The following USP25 variants were observed in gnomAD, a reference collection of about 807,000 sequenced individuals.
USP25 encodes the protein ubiquitin carboxyl-terminal hydrolase 25.
A neutral mutation model predicts 158.5 loss-of-function variants in USP25; 85 were observed. That is an observed-to-expected ratio of 0.54 (90% CI 0.45 to 0.64). The LOEUF (loss-of-function observed/expected upper bound fraction) is 0.64, where lower values mean the gene tolerates loss of function less well. Among genes scored for constraint, USP25 ranks in the 30% least tolerant of loss-of-function variants. The pLI is 0.00. For synonymous variants in USP25, 464 were observed against 460.4 expected (o/e 1.01, Z -0.10); for missense variants, 1,242 against 1,327.3 (o/e 0.94, Z 1.00).
chr21:15,841,053 A>G (rs1012218229), intron 17 of USP25, among the ~76,000 whole-genome samples: 1 of 152,220 alleles, frequency 6.6e-6, no homozygotes, highest in African/African-American at 2.4e-5. Context: ...AAATCAGGAA[A>G]TGATTTAATG....
intron 8 of USP25, 56 bp from the exon 9 acceptor site, chr21:15,811,081 C>A (rs575122139): frequency 6.9e-7 from 1 of 1,441,366 alleles, no homozygotes; most frequent in African/African-American, 1.4e-5. Flanking sequence ...TTAATATTTT[C>A]TCTATTTATA....
chr21:15,732,352 A>G (rs1054207175), intron 1 of USP25, among the ~76,000 whole-genome samples: 2 of 152,248 alleles, frequency 1.3e-5, no homozygotes, highest in Non-Finnish European at 2.9e-5. Context: ...GTATTAATAC[A>G]CGATTACTTT....
At chr21:15,861,745 T>G (rs987415328) in intron 20 of USP25, among the ~76,000 whole-genome samples, 10 of 152,066 alleles carry the variant, frequency 6.6e-5, no homozygotes, top group Admixed American at 4.6e-4. Context: ...TTCTAGAAAT[T>G]TAGAAGGTAA....
At chr21:15,855,684 C>G (rs1411485561) in intron 20 of USP25, among the ~76,000 whole-genome samples, 1 of 152,184 alleles carries the variant, frequency 6.6e-6, no homozygotes, top group African/African-American at 2.4e-5. Context: ...AGTTACACAT[C>G]CTGCCTTTAG....
At chr21:15,735,909 A>C (rs1264293208) in intron 1 of USP25, among the ~76,000 whole-genome samples, 1 of 151,654 alleles carries the variant, frequency 6.6e-6, no homozygotes, top group Non-Finnish European at 1.5e-5. Flanking sequence ...GTTCTAGAAA[A>C]TTCTAAATTT....
At chr21:15,737,146 T>C (rs989816874) in intron 1 of USP25, among the ~76,000 whole-genome samples, 1 of 152,168 alleles carries the variant, frequency 6.6e-6, no homozygotes, top group Non-Finnish European at 1.5e-5. Context: ...CTTATCTTTC[T>C]TCCTGGCTTC....
chr21:15,762,181 C>G (rs1273092158), intron 1 of USP25, among the ~76,000 whole-genome samples: 1 of 151,994 alleles, frequency 6.6e-6, no homozygotes, highest in Non-Finnish European at 1.5e-5. Context: ...CTTTTCCTAT[C>G]ATATCCATTG....
intron 22 of USP25, among the ~76,000 whole-genome samples, chr21:15,868,640 C>T (rs1422403871): frequency 6.6e-6 from 1 of 152,186 alleles, no homozygotes; most frequent in Non-Finnish European, 1.5e-5. Flanking sequence ...TGCAGACCAG[C>T]TTACCACCTG....
intron 10 of USP25, among the ~76,000 whole-genome samples, chr21:15,821,478 A>C (rs1223139275): frequency 2.0e-5 from 3 of 151,962 alleles, no homozygotes; most frequent in Non-Finnish European, 4.4e-5. Flanking sequence ...ATGTGTTGGC[A>C]CTGCCAAATT....
chr21:15,814,302 A>G (rs1040616621), intron 9 of USP25, among the ~76,000 whole-genome samples: 2 of 151,708 alleles, frequency 1.3e-5, no homozygotes, highest in African/African-American at 4.8e-5. Flanking sequence ...AGCCTTGCCT[A>G]TGTCTTTATT....
chr21:15,825,957 A>G (rs987053418), intron 12 of USP25, among the ~76,000 whole-genome samples: 1 of 152,156 alleles, frequency 6.6e-6, no homozygotes, highest in East Asian at 1.9e-4. Context: ...AATTTAGAAC[A>G]GCATTTACAG....
chr21:15,754,518 T>C (rs1476632376), intron 1 of USP25, among the ~76,000 whole-genome samples: 2 of 152,218 alleles, frequency 1.3e-5, no homozygotes, highest in Non-Finnish European at 2.9e-5. Context: ...GGATTTACCT[T>C]GTGATTAACC....
intron 20 of USP25, among the ~76,000 whole-genome samples, chr21:15,858,090 A>G (rs1384955273): frequency 6.6e-6 from 1 of 152,074 alleles, no homozygotes; most frequent in Non-Finnish European, 1.5e-5. Flanking sequence ...CAGTGATCTT[A>G]TTGTAGATCG....
Position 15,772,942 on chromosome 21 carries a change from C to T in USP25, c.269-4962C>T, listed in dbSNP as rs1007010212. Among the ~76,000 whole-genome samples the T allele has an allele frequency of 3.9e-5, 6 of 152,004 alleles. No homozygotes were observed. In the South Asian group the frequency reaches 1.0e-3, roughly 26 times the overall value. ...AGGATTGTCATATTGTTCTAAAATA[C>T]CCTGTGAAAAGAAGCAGTTTTATGG... On this transcript the variant is annotated intron_variant, in intron 3 of 25. Coordinates refer to ENST00000400183, the MANE Select transcript of USP25 (RefSeq NM_001283041.3).
chr21:15,775,002 A>C (rs1186640133), intron 3 of USP25, among the ~76,000 whole-genome samples: 1 of 152,206 alleles, frequency 6.6e-6, no homozygotes, highest in African/African-American at 2.4e-5. Context: ...TGGGGACCCC[A>C]AGGATCAATG....
At chr21:15,757,986 C>T (rs575927592) in intron 1 of USP25, among the ~76,000 whole-genome samples, 11 of 152,244 alleles carry the variant, frequency 7.2e-5, no homozygotes, top group South Asian at 4.1e-4. Context: ...GTAAGGAAAA[C>T]TTCTGTATAG....
At chr21:15,781,077 G>C (rs1230267130) in intron 4 of USP25, among the ~76,000 whole-genome samples, 1 of 152,216 alleles carries the variant, frequency 6.6e-6, no homozygotes, top group Non-Finnish European at 1.5e-5. Context: ...AACAGCAGCA[G>C]TGTAACTTGA....
chr21:15,849,012 T>TA (rs35691463), intron 19 of USP25, among the ~76,000 whole-genome samples: 31,107 of 152,070 alleles, frequency 0.2, 5,006 homozygotes, highest in African/African-American at 0.45. Context: ...CTTAAGTATT[T>TA]GTACTTAATG....
At chr21:15,869,310 A>T (rs2039787227) in intron 22 of USP25, among the ~76,000 whole-genome samples, 1 of 150,924 alleles carries the variant, frequency 6.6e-6, no homozygotes, top group Admixed American at 6.6e-5. Flanking sequence ...TATGTTTCTT[A>T]TTTTTGTTTA....
Sources: allele counts gnomAD v4.1 joint callset (sites outside exome capture counted in the v4.1 genomes callset), GRCh38; gene constraint gnomAD v4.1.1; transcripts MANE v1.5; gene names NCBI Gene and HGNC (gene_info 2026-07-23, HGNC 2026-07-21).